KCNB2: variants seen among roughly 807,000 people sequenced by gnomAD.
KCNB2 encodes delayed rectifier potassium channel protein.
In KCNB2, 15 loss-of-function variants were observed where a neutral mutation model predicts 61.5. The ratio of observed to expected loss-of-function variants is 0.24; its 90% CI spans 0.16 to 0.38. The LOEUF is 0.38. Ranked by LOEUF, KCNB2 falls within the 10% of genes least tolerant of loss-of-function variation. KCNB2 has a pLI of 1.00. For synonymous variants in KCNB2, 457 were observed against 446.0 expected, an observed-to-expected ratio of 1.02 and a Z score of -0.31; for missense variants, 828 against 1,125.2, an observed-to-expected ratio of 0.74 and a Z score of 3.78.
At chr8:72,752,803 A>G (rs1808215975) in intron 2 of KCNB2, among the ~76,000 whole-genome samples, 1 of 152,182 alleles carries the variant, frequency 6.6e-6, no homozygotes, top group Non-Finnish European at 1.5e-5. Context: ...TACCAAGATA[A>G]ATGATCATTA....
chr8:72,578,120 A>G (rs1806826812), intron 2 of KCNB2, among the ~76,000 whole-genome samples: 1 of 152,210 alleles, frequency 6.6e-6, no homozygotes, highest in Non-Finnish European at 1.5e-5. Context: ...TAAATCAATG[A>G]CACTCTGAAG....
At chr8:72,829,246 T>C (rs777182364) in intron 2 of KCNB2, among the ~76,000 whole-genome samples, 85 of 152,230 alleles carry the variant, frequency 5.6e-4, no homozygotes, top group Non-Finnish European at 1.3e-4. Flanking sequence ...ACAGGACTTA[T>C]GTACATGAAA....
intron 2 of KCNB2, among the ~76,000 whole-genome samples, chr8:72,828,097 G>A (rs1809628802): frequency 6.6e-6 from 1 of 152,162 alleles, no homozygotes; most frequent in South Asian, 2.1e-4. Flanking sequence ...ATAGGCGTGA[G>A]CCACCACAAC....
intron 2 of KCNB2, among the ~76,000 whole-genome samples, chr8:72,866,531 C>T (rs746509565): frequency 2.6e-5 from 4 of 152,164 alleles, no homozygotes; most frequent in Non-Finnish European, 5.9e-5. Flanking sequence ...GTTTTCCACT[C>T]CAAAAGTACT....
intron 2 of KCNB2, among the ~76,000 whole-genome samples, chr8:72,624,937 A>G (rs1214962294): frequency 6.6e-6 from 1 of 152,200 alleles, no homozygotes; most frequent in African/African-American, 2.4e-5. Context: ...GAGCTGAGGG[A>G]AGCCTCCAGC....
chr8:72,623,499 CTT>C (rs1805741830), intron 2 of KCNB2, among the ~76,000 whole-genome samples: 2 of 152,138 alleles, frequency 1.3e-5, no homozygotes, highest in Non-Finnish European at 2.9e-5. Flanking sequence ...TGATAGAAGA[CTT>C]TGGAACCCAA....
intron 2 of KCNB2, among the ~76,000 whole-genome samples, chr8:72,829,961 T>TG (rs1809663961): frequency 7.1e-6 from 1 of 141,690 alleles, no homozygotes; most frequent in South Asian, 2.3e-4. Flanking sequence ...GAAAAAGAAA[T>TG]GGAGGAAAAA....
chr8:72,604,150 G>A (rs953959527), intron 2 of KCNB2, among the ~76,000 whole-genome samples: 6 of 152,094 alleles, frequency 3.9e-5, no homozygotes, highest in African/African-American at 1.4e-4. Context: ...CTGTCTGTAT[G>A]TCAGTTTTCT....
intron 2 of KCNB2, among the ~76,000 whole-genome samples, chr8:72,757,391 C>T (rs1038453766): frequency 6.6e-6 from 1 of 152,014 alleles, no homozygotes; most frequent in African/African-American, 2.4e-5. Context: ...AAAAACATGG[C>T]TGTGAATGGA....
chr8:72,798,992 C>A (rs1809076623), intron 2 of KCNB2, among the ~76,000 whole-genome samples: 1 of 152,184 alleles, frequency 6.6e-6, no homozygotes, highest in South Asian at 2.1e-4. Flanking sequence ...GCACCACCAT[C>A]TCTGGGGGCA....
intron 2 of KCNB2, among the ~76,000 whole-genome samples, chr8:72,813,930 G>A (rs576096835): frequency 1.6e-4 from 24 of 151,862 alleles, no homozygotes; most frequent in Non-Finnish European, 2.6e-4. Flanking sequence ...ATAGGTATAC[G>A]TGTGCCATGC....
chr8:72,703,272 T>TTCAG (rs1230303453), intron 2 of KCNB2, among the ~76,000 whole-genome samples: 1 of 152,110 alleles, frequency 6.6e-6, no homozygotes, highest in Non-Finnish European at 1.5e-5. Flanking sequence ...AGTAGCAAGG[T>TTCAG]TCAGCTTCTG....
chr8:72,638,885 C>A (rs191518819), intron 2 of KCNB2, among the ~76,000 whole-genome samples: 10 of 152,244 alleles, frequency 6.6e-5, no homozygotes, highest in African/African-American at 2.2e-4. Context: ...ACCCTTCTCA[C>A]CTTTACAGGA....
intron 2 of KCNB2, among the ~76,000 whole-genome samples, chr8:72,911,463 TGGAAATAGCATTGAACAGATA>T (rs952778418): frequency 5.9e-5 from 9 of 152,236 alleles, no homozygotes; most frequent in African/African-American, 2.2e-4. Flanking sequence ...GCCTTTCACC[TGGAAATAGCATTGAACAGATA>T]AGGGAAGTGA....
At chr8:72,935,037 C>T (rs1001297970) in intron 2 of KCNB2, among the ~76,000 whole-genome samples, 3 of 151,888 alleles carry the variant, frequency 2.0e-5, no homozygotes, top group Non-Finnish European at 1.5e-5. Context: ...ATAACAGCTG[C>T]GAAGTAGCTA....
chr8:72,708,723 C>T (rs1012845761), intron 2 of KCNB2, among the ~76,000 whole-genome samples: 1 of 152,184 alleles, frequency 6.6e-6, no homozygotes, highest in Non-Finnish European at 1.5e-5. Context: ...TGTTTTATGT[C>T]AGTCTTGTGG....
At chr8:72,718,744 C>G (rs1807493192) in intron 2 of KCNB2, among the ~76,000 whole-genome samples, 1 of 151,968 alleles carries the variant, frequency 6.6e-6, no homozygotes, top group Non-Finnish European at 1.5e-5. Flanking sequence ...AGCACACCAA[C>G]ATGGCACATA....
intron 2 of KCNB2, among the ~76,000 whole-genome samples, chr8:72,905,742 A>G (rs1585966374): frequency 6.6e-6 from 1 of 152,302 alleles, no homozygotes; most frequent in East Asian, 1.9e-4. Context: ...TCAGATGCCC[A>G]GTGTTTTCCA....
chr8:72,597,883 G>A (rs962545107), intron 2 of KCNB2, among the ~76,000 whole-genome samples: 1 of 152,194 alleles, frequency 6.6e-6, no homozygotes, highest in South Asian at 2.1e-4. Context: ...GATGGTAGGA[G>A]TGTAAATTAG....
Sources: allele counts gnomAD v4.1 joint callset (sites outside exome capture counted in the v4.1 genomes callset), GRCh38; gene constraint gnomAD v4.1.1; transcripts MANE v1.5; gene names NCBI Gene and HGNC (gene_info 2026-07-23, HGNC 2026-07-21).